The following MCF2L2 variants were observed in gnomAD, a reference collection of about 807,000 sequenced individuals.
MCF2L2 encodes the protein MCF.2 cell line derived transforming sequence-like 2.
Under a neutral mutation model 150.2 loss-of-function variants are expected in MCF2L2, and 102 were observed. The observed-to-expected ratio is 0.68, with a 90% CI of 0.58 to 0.80. MCF2L2 has a LOEUF of 0.80. Among genes scored for constraint, MCF2L2 ranks in the 30% least tolerant of loss-of-function variants. The probability of loss-of-function intolerance (pLI) is 0.00; values close to 1 mark genes in which losing one functional copy is unlikely to be tolerated. For synonymous variants in MCF2L2, 465 were observed against 491.3 expected, an observed-to-expected ratio of 0.95 and a Z score of 0.71; for missense variants, 1,256 against 1,372.8, an observed-to-expected ratio of 0.91 and a Z score of 1.34.
intron 5 of MCF2L2, among the ~76,000 whole-genome samples, chr3:183,338,013 A>C (rs1012013378): frequency 1.5e-4 from 23 of 151,990 alleles, no homozygotes. Context: ...TTTTTACTTT[A>C]GTTTCCTGGA....
chr3:183,277,733 C>T (rs1182942382), intron 14 of MCF2L2, among the ~76,000 whole-genome samples: 4 of 148,072 alleles, frequency 2.7e-5, no homozygotes, highest in African/African-American at 9.9e-5. Context: ...GAACTCCTGA[C>T]CTCAAATGAT....
intron 3 of MCF2L2, among the ~76,000 whole-genome samples, chr3:183,349,891 GA>G (rs1731046067): frequency 6.7e-6 from 1 of 149,980 alleles, no homozygotes; most frequent in South Asian, 2.1e-4. Context: ...TTTTCTACTT[GA>G]ACCACGTAAT....
intron 3 of MCF2L2, among the ~76,000 whole-genome samples, chr3:183,348,556 A>T (rs1248994433): frequency 3.3e-5 from 5 of 152,122 alleles, no homozygotes; most frequent in Non-Finnish European, 7.4e-5. Context: ...CCCAAAACTT[A>T]AAGTATAATA....
At chr3:183,287,444 A>G (rs949692660) in intron 14 of MCF2L2, 1 of 152,186 alleles carries the variant, frequency 6.6e-6, no homozygotes, top group Admixed American at 6.5e-5. Context: ...TTCAGAGATG[A>G]CATTCTCCCA....
At chr3:183,317,933 G>C (rs16857313) in intron 7 of MCF2L2, 135 bp downstream of exon 7, 2 of 1,087,462 alleles carry the variant, frequency 1.8e-6, no homozygotes, top group African/African-American at 1.6e-5. Flanking sequence ...GGTTTAAGAT[G>C]ATCAGTGGCT....
At chr3:183,378,233 T>C (rs1317096276) in intron 3 of MCF2L2, 1 of 152,058 alleles carries the variant, frequency 6.6e-6, no homozygotes, top group African/African-American at 2.4e-5. Context: ...AACCACACTA[T>C]AGTCAAGGGA....
chr3:183,200,699 A>G (rs1343827297), intron 25 of MCF2L2, among the ~76,000 whole-genome samples: 1 of 152,198 alleles, frequency 6.6e-6, no homozygotes, highest in African/African-American at 2.4e-5. Flanking sequence ...GTCCTTGCCC[A>G]TGCCTATGGC....
In MCF2L2 at chr3:183,265,978, CTTG is replaced by C. The variant is rs1450838773; in HGVS notation, c.1862+10891_1862+10893del. The C allele has an allele frequency of 2.0e-5, 3 of 152,236 alleles. No homozygotes were observed. The East Asian group carries it at 5.8e-4, about 29-fold the overall frequency. 9.4% of individuals were successfully genotyped at this position (152,236 alleles called of 1,614,324 possible). On this transcript the variant is annotated intron_variant, in intron 15 of 29. Coordinates refer to ENST00000328913, the MANE Select transcript of MCF2L2 (RefSeq NM_015078.4). ...TGTCATTTTTCAGAAAGCATTTTGA[CTTG>C]TTGATGTCAATTTGGAACAGCTGAA...
At chr3:183,240,746 A>G (rs1723984655) in intron 15 of MCF2L2, among the ~76,000 whole-genome samples, 1 of 152,228 alleles carries the variant, frequency 6.6e-6, no homozygotes, top group Admixed American at 6.5e-5. Flanking sequence ...TCTACTGCAG[A>G]TGGTCTCCTA....
intron 1 of MCF2L2, among the ~76,000 whole-genome samples, chr3:183,403,689 C>T (rs1464289690): frequency 6.6e-6 from 1 of 152,154 alleles, no homozygotes; most frequent in African/African-American, 2.4e-5. Context: ...GTGCCTGGTC[C>T]CTATCAGGAT....
intron 2 of MCF2L2, among the ~76,000 whole-genome samples, chr3:183,384,388 G>T (rs1301054972): frequency 6.6e-6 from 1 of 152,194 alleles, no homozygotes; most frequent in Non-Finnish European, 1.5e-5. Context: ...AGAAATGATG[G>T]TTTAGGAGTC....
At chr3:183,312,769 T>C (rs533339046) in intron 7 of MCF2L2, among the ~76,000 whole-genome samples, 10 of 152,308 alleles carry the variant, frequency 6.6e-5, no homozygotes, top group African/African-American at 2.2e-4. Context: ...GCTGGTACCT[T>C]TGTTCCTTGT....
chr3:183,417,599 T>C (rs1361599570), intron 1 of MCF2L2, among the ~76,000 whole-genome samples: 1 of 152,276 alleles, frequency 6.6e-6, no homozygotes, highest in Non-Finnish European at 1.5e-5. Flanking sequence ...AATAACTTCC[T>C]TTAGTATTCC....
intron 10 of MCF2L2, among the ~76,000 whole-genome samples, chr3:183,301,239 T>C (rs1728833422): frequency 6.6e-6 from 1 of 152,138 alleles, no homozygotes; most frequent in Admixed American, 6.6e-5. Context: ...AACACTGTCA[T>C]AGGTGCTGGG....
chr3:183,348,535 T>G (rs9876225), intron 3 of MCF2L2, among the ~76,000 whole-genome samples: 19,599 of 152,048 alleles, frequency 0.13, 3,227 homozygotes, highest in African/African-American at 0.38. Context: ...CCGCTCATTC[T>G]GCACATGTAT....
rs772638140 is a variant in MCF2L2 at position 183,427,932 on chromosome 3, G to A, written c.46C>T (p.Arg16Trp). Residue 16 changes from arginine to tryptophan, a missense_variant, in exon 1 of 30, where the codon CGG (arginine) becomes TGG (tryptophan). Arg to Trp is a moderately radical substitution (Grantham distance 101). Transcript: ENST00000328913. ...TGAGTGATCACTGTGGCCAGTCGCCGGGTGAGCTCCTGGGGAGGCATCTCT... is the reference window on the plus strand; with the variant it reads ...TGAGTGATCACTGTGGCCAGTCGCCAGGTGAGCTCCTGGGGAGGCATCTCT... ...KEEMPPQELT[R>W]RLATVITHVD... 5.6e-6 allele frequency: 9 copies of A among 1,614,122 alleles called. No homozygotes were observed. Among genetic ancestry groups the A allele is most frequent in the South Asian group, 1.1e-5 (1 of 91,078 alleles).
At chr3:183,363,714 T>C (rs1712351142) in intron 3 of MCF2L2, among the ~76,000 whole-genome samples, 1 of 152,122 alleles carries the variant, frequency 6.6e-6, no homozygotes, top group Non-Finnish European at 1.5e-5. Flanking sequence ...TTTGAGACCC[T>C]GTCTCAAAAG....
intron 3 of MCF2L2, among the ~76,000 whole-genome samples, chr3:183,365,408 G>A (rs972913548): frequency 6.6e-6 from 1 of 152,190 alleles, no homozygotes; most frequent in African/African-American, 2.4e-5. Flanking sequence ...GGGATGGGGA[G>A]AAGTGATTAA....
chr3:183,356,100 C>T (rs1267710534), intron 3 of MCF2L2, among the ~76,000 whole-genome samples: 2 of 149,450 alleles, frequency 1.3e-5, no homozygotes, highest in Non-Finnish European at 3.0e-5. Context: ...GAAGAAACTT[C>T]AGACCATATG....
Sources: gnomAD v4.1 joint callset for allele counts (sites outside exome capture counted in the v4.1 genomes callset) on GRCh38, gnomAD v4.1.1 for gene constraint, MANE v1.5 for transcripts, NCBI Gene and HGNC (gene_info 2026-07-23, HGNC 2026-07-21) for gene names.